Variants in RALGPS1 observed in about 807,000 individuals in gnomAD.
RALGPS1 encodes Ral GEF with PH domain and SH3 binding motif 1.
In RALGPS1, 19 loss-of-function variants were observed where a neutral mutation model predicts 78.8. That is an observed-to-expected ratio of 0.24 (90% CI 0.17 to 0.35). RALGPS1 has a LOEUF of 0.35. RALGPS1 is among the 10% of genes least tolerant of loss of function. The pLI, the probability that RALGPS1 is intolerant of heterozygous loss-of-function variation, is 1.00. For missense variants in RALGPS1, 454 were observed against 688.3 expected (o/e 0.66, Z 3.81); for synonymous variants, 228 against 256.3 (o/e 0.89, Z 1.06).
chr9:127,053,050 G>A (rs2048423973), intron 7 of RALGPS1, 111 bp downstream of exon 7: 3 of 755,864 alleles, frequency 4.0e-6, no homozygotes, highest in Non-Finnish European at 6.8e-6. Flanking sequence ...GCCAACAACA[G>A]AGTTACTATG....
At chr9:127,022,259 C>G (rs2045528197) in intron 4 of RALGPS1, among the ~76,000 whole-genome samples, 1 of 152,160 alleles carries the variant, frequency 6.6e-6, no homozygotes, top group African/African-American at 2.4e-5. Flanking sequence ...TGCCTCCTCC[C>G]TTTCTCCACA....
At chr9:127,090,973 C>T (rs1322571531) in intron 8 of RALGPS1, among the ~76,000 whole-genome samples, 1 of 152,154 alleles carries the variant, frequency 6.6e-6, no homozygotes, top group Non-Finnish European at 1.5e-5. Context: ...TAGTAAAGAC[C>T]TAGATTTGAA....
At chr9:127,030,209 C>G (rs898624521) in intron 4 of RALGPS1, among the ~76,000 whole-genome samples, 2 of 152,084 alleles carry the variant, frequency 1.3e-5, no homozygotes, top group Admixed American at 1.3e-4. Flanking sequence ...GACGGGAGCT[C>G]AGGAGAGAAA....
intron 1 of RALGPS1, among the ~76,000 whole-genome samples, chr9:126,919,428 AAG>A (rs2034528363): frequency 6.6e-6 from 1 of 152,236 alleles, no homozygotes; most frequent in African/African-American, 2.4e-5. Flanking sequence ...GGAGTACAGA[AAG>A]AGAAAGGAAA....
chr9:127,203,502 G>A (rs187507037), intron 14 of RALGPS1, among the ~76,000 whole-genome samples: 203 of 152,172 alleles, frequency 1.3e-3, no homozygotes, highest in African/African-American at 4.6e-3. Context: ...ACAGGTAGTG[G>A]GAAGCGTAGG....
chr9:127,021,667 T>G (rs374505097), intron 4 of RALGPS1, among the ~76,000 whole-genome samples: 5 of 150,952 alleles, frequency 3.3e-5, no homozygotes, highest in East Asian at 1.9e-4. Flanking sequence ...CTGAATGATG[T>G]ATTCGGAAAA....
chr9:127,101,807 T>C (rs945051593), intron 8 of RALGPS1, among the ~76,000 whole-genome samples: 6 of 152,236 alleles, frequency 3.9e-5, no homozygotes, highest in African/African-American at 1.2e-4. Context: ...TTAGGAGCTG[T>C]TGCATTTATA....
At chr9:127,181,087 G>A (rs1416190330) in intron 11 of RALGPS1, among the ~76,000 whole-genome samples, 1 of 152,246 alleles carries the variant, frequency 6.6e-6, no homozygotes, top group Non-Finnish European at 1.5e-5. Context: ...CAGCCTTACT[G>A]CTGCCACACT....
intron 4 of RALGPS1, among the ~76,000 whole-genome samples, chr9:126,979,221 A>G (rs541327756): frequency 6.8e-6 from 1 of 146,376 alleles, no homozygotes; most frequent in South Asian, 2.3e-4. Context: ...CGTGGCAGTT[A>G]TTTGTATTAT....
At chr9:127,214,684 T>C (rs948358467) in intron 17 of RALGPS1, 67 bp from the exon 18 acceptor site, 3 of 1,552,282 alleles carry the variant, frequency 1.9e-6, no homozygotes, top group African/African-American at 2.8e-5. Context: ...CATTTCTCTT[T>C]ATGCCAGTCA....
intron 1 of RALGPS1, among the ~76,000 whole-genome samples, chr9:126,921,009 A>G: frequency 6.6e-6 from 1 of 152,178 alleles, no homozygotes; most frequent in East Asian, 1.9e-4. Flanking sequence ...AGTTTTACCT[A>G]ACTTAGGGCT....
At chr9:126,921,789 G>A (rs1010316103) in intron 1 of RALGPS1, among the ~76,000 whole-genome samples, 2 of 152,226 alleles carry the variant, frequency 1.3e-5, no homozygotes, top group South Asian at 2.1e-4. Context: ...GGGTTTCAGG[G>A]AGACGCTACA....
At chr9:127,061,307 C>T (rs1435039033) in intron 7 of RALGPS1, among the ~76,000 whole-genome samples, 1 of 152,200 alleles carries the variant, frequency 6.6e-6, no homozygotes. Context: ...TAGAGTTGGC[C>T]TGAGGAATTT....
intron 8 of RALGPS1, among the ~76,000 whole-genome samples, chr9:127,111,231 T>C (rs1026300489): frequency 6.6e-6 from 1 of 152,180 alleles, no homozygotes; most frequent in Non-Finnish European, 1.5e-5. Flanking sequence ...CCTTACCTCT[T>C]TCAATCTTTG....
At chr9:126,960,985 GGGCC>G (rs1430474055) in intron 1 of RALGPS1, among the ~76,000 whole-genome samples, 1 of 151,994 alleles carries the variant, frequency 6.6e-6, no homozygotes, top group Non-Finnish European at 1.5e-5. Flanking sequence ...CTCAGCTCAG[GGGCC>G]CTTCCTTACC....
In RALGPS1 at chr9:127,090,201, A is replaced by T. The variant is rs528932328; in HGVS notation, c.610+20845A>T. ...CCTCCTCTTTGCCAGCGGAGGTCCC[A>T]CACACCTCCAGGGACAAGGACCTTG... On this transcript the variant is annotated intron_variant, in intron 8 of 18. Transcript: ENST00000259351. Among the ~76,000 whole-genome samples the T allele has an allele frequency of 9.8e-5, 15 of 152,312 alleles. No individual in the cohort carries two copies. The South Asian group carries it at 3.1e-3, about 32-fold the overall frequency.
intron 5 of RALGPS1, among the ~76,000 whole-genome samples, chr9:127,035,106 G>T (rs2046754914): frequency 6.6e-6 from 1 of 152,092 alleles, no homozygotes; most frequent in African/African-American, 2.4e-5. Flanking sequence ...CACCTTCCTT[G>T]CCGGCCTGGG....
chr9:126,933,118 GA>G (rs1458622784), intron 1 of RALGPS1, among the ~76,000 whole-genome samples: 1 of 152,208 alleles, frequency 6.6e-6, no homozygotes, highest in African/African-American at 2.4e-5. Flanking sequence ...AGGACAAAAG[GA>G]AGGCGGCGCT....
At chr9:127,181,745 C>G (rs2060234970) in intron 11 of RALGPS1, among the ~76,000 whole-genome samples, 1 of 152,094 alleles carries the variant, frequency 6.6e-6, no homozygotes, top group African/African-American at 2.4e-5. Flanking sequence ...AGGCCTTTCT[C>G]CATCTCTTTG....
Sources: gnomAD v4.1 joint callset for allele counts (sites outside exome capture counted in the v4.1 genomes callset) on GRCh38, gnomAD v4.1.1 for gene constraint, MANE v1.5 for transcripts, NCBI Gene and HGNC (gene_info 2026-07-23, HGNC 2026-07-21) for gene names.